The following PCDHA9 variants were observed in gnomAD, a reference collection of about 807,000 sequenced individuals.
PCDHA9 encodes the protein protocadherin alpha-9.
PCDHA9 carries 62 observed loss-of-function variants against 62.0 expected under a neutral mutation model. The ratio of observed to expected loss-of-function variants is 1.00; its 90% CI spans 0.81 to 1.23. The LOEUF (loss-of-function observed/expected upper bound fraction) is 1.23, where lower values mean the gene tolerates loss of function less well. Among genes scored for constraint, PCDHA9 ranks in the 50% most tolerant of loss-of-function variants. The pLI is 0.00. For missense variants in PCDHA9, 1,205 were observed against 1,249.8 expected (o/e 0.96, Z 0.54); for synonymous variants, 557 against 567.6 (o/e 0.98, Z 0.27).
chr5:140,852,681 T>A, intron 1 of PCDHA9: 1 of 968,122 alleles, frequency 1.0e-6, no homozygotes, highest in Non-Finnish European at 1.2e-6. Context: ...TCACCTTGAA[T>A]ATAGTCTTAT....
At chr5:140,882,072 T>C in intron 1 of PCDHA9, 2 of 861,580 alleles carry the variant, frequency 2.3e-6, no homozygotes, top group South Asian at 1.9e-5. Context: ...TTCATGCGCA[T>C]GGTGTCGCTC....
chr5:140,902,209 T>C (rs1583451921), intron 1 of PCDHA9, among the ~76,000 whole-genome samples: 2 of 150,148 alleles, frequency 1.3e-5, no homozygotes, highest in African/African-American at 4.9e-5. Context: ...CTTTCTTTTT[T>C]TTTTTTTTTT....
At chr5:141,001,985 GAAGTTC>G in intron 3 of PCDHA9, among the ~76,000 whole-genome samples, 1 of 152,312 alleles carries the variant, frequency 6.6e-6, no homozygotes, top group Admixed American at 6.5e-5. Context: ...GGAAAGCCTG[GAAGTTC>G]ACTTGCAAAC....
In PCDHA9 at chr5:141,009,814, A is replaced by C. The variant is rs781835321; in HGVS notation, c.2730A>C (p.Lys910Asn). Residue 910 changes from lysine to asparagine, a missense_variant, in exon 4 of 4, where the codon AAA (lysine) becomes AAC (asparagine). By Grantham distance (94) the Lys-to-Asn change is moderately conservative. Around this residue, in one of 3 missense-constraint regions of PCDHA9, gnomAD observed 887 missense variants for 809.5 expected, o/e 1.10. Coordinates refer to ENST00000532602, the MANE Select transcript of PCDHA9 (RefSeq NM_031857.2). ...RQEPTNSQID[K>N]SDFITFGKKE... ...AGCCTACTAACAGCCAAATTGACAA[A>C]AGTGACTTCATAACCTTCGGCAAAA... The C allele has an allele frequency of 6.2e-7, 1 of 1,614,124 alleles. No individual in the cohort carries two copies. The highest frequency in any genetic ancestry group is 8.5e-7 in the Non-Finnish European group (1 of 1,180,010).
rs185281311 is a variant in PCDHA9 at position 140,896,058 on chromosome 5, G to A, written c.2394+45169G>A. The stretch of plus-strand genomic sequence containing the variant: ...ACTCCTGACCTCAGGTGATCCGCCT[G>A]CCTCGGCCTCCCAACATGCTGGGAT... On this transcript the variant is annotated intron_variant, in intron 1 of 3. Coordinates refer to ENST00000532602, the MANE Select transcript of PCDHA9 (RefSeq NM_031857.2). 4.1e-3 allele frequency among the ~76,000 whole-genome samples: 624 copies of A among 152,238 alleles called. 2 individuals carry two copies. The highest frequency in any genetic ancestry group is 6.8e-3 in the Middle Eastern group (2 of 294).
intron 1 of PCDHA9, among the ~76,000 whole-genome samples, chr5:140,922,795 G>C (rs1393016233): frequency 7.9e-5 from 12 of 152,152 alleles, no homozygotes; most frequent in African/African-American, 2.9e-4. Context: ...TGTAGCTTTG[G>C]AATACAGAAA....
chr5:140,920,972 T>C (rs246075), intron 1 of PCDHA9, among the ~76,000 whole-genome samples: 86,063 of 151,854 alleles, frequency 0.57, 25,081 homozygotes, highest in African/African-American at 0.71. Flanking sequence ...TACTAGAGTA[T>C]AATATTGTAT....
rs150463901 is a variant in PCDHA9, at chr5:140,882,560, C to A, written c.2394+31671C>A. 1.3e-3 allele frequency: 2,163 copies of A among 1,614,168 alleles called. 36 individuals carry two copies. Among genetic ancestry groups the A allele is most frequent in the Admixed American group, 1.6e-3 (95 of 60,010 alleles). ...GATCGACCGCGAGGAGCTGTGTGGG[C>A]GGAGCGCGGAGTGCAGCATCCACCT... On this transcript the variant is annotated intron_variant, in intron 1 of 3. Coordinates refer to ENST00000532602, the MANE Select transcript of PCDHA9 (RefSeq NM_031857.2).
In PCDHA9 at chr5:140,876,565, G is replaced by C. The variant is rs371696514; in HGVS notation, c.2394+25676G>C. 63 of 1,614,064 alleles carry C rather than the reference G, an allele frequency of 3.9e-5. No homozygotes were observed. In the Middle Eastern group the frequency reaches 4.9e-4, roughly 13 times the overall value. On this transcript the variant is annotated intron_variant, in intron 1 of 3. Transcript: ENST00000532602. ...GCTCCCTGTGCAAGAGGATGCTCAG[G>C]TGGGTACCGTCATTGCCCTGATTAG...
Position 140,974,355 on chromosome 5 carries a change from C to T in PCDHA9, c.2395-4594C>T, listed in dbSNP as rs113314336. Among the ~76,000 whole-genome samples the T allele has an allele frequency of 6.8e-3, 1,038 of 152,272 alleles. 15 individuals are homozygous for T. The highest frequency in any genetic ancestry group is 0.024 in the African/African-American group (1,003 of 41,550). ...AGCAGGCTATGCATCCAGAACTAAA[C>T]AGACCTAGCACTTTCTGTTGTACTG... is the stretch of plus-strand genomic sequence containing the variant. On this transcript the variant is annotated intron_variant, in intron 1 of 3. Transcript: ENST00000532602.
chr5:140,959,876 G>A (rs1335764869), intron 1 of PCDHA9, among the ~76,000 whole-genome samples: 1 of 152,134 alleles, frequency 6.6e-6, no homozygotes. Context: ...ATCTGTCAAG[G>A]AATACACGAG....
At chr5:140,891,504 A>G (rs1225432214) in intron 1 of PCDHA9, among the ~76,000 whole-genome samples, 1 of 151,662 alleles carries the variant, frequency 6.6e-6, no homozygotes, top group Non-Finnish European at 1.5e-5. Context: ...CTCAGCTATA[A>G]TGTTCTCCAA....
intron 1 of PCDHA9, among the ~76,000 whole-genome samples, chr5:140,942,409 TAAA>T (rs78736997): frequency 7.0e-6 from 1 of 143,620 alleles, no homozygotes; most frequent in Non-Finnish European, 1.5e-5. Context: ...AGACTCTGTT[TAAA>T]AAAAAAAAAG....
intron 3 of PCDHA9, among the ~76,000 whole-genome samples, chr5:140,994,595 C>CT (rs1554254262): frequency 6.6e-6 from 1 of 151,984 alleles, no homozygotes; most frequent in East Asian, 1.9e-4. Context: ...GTCTCAGCTA[C>CT]TTGGGAGGCT....
rs1181664726 is a variant in PCDHA9 at position 140,982,480 on chromosome 5, T to C, written c.2459T>C (p.Val820Ala). ...GGGTCTGTGTGTTTATTCAGCTCTG[T>C]GCACCTAGAGGAGGCTGGCATTCTA... ...ASLRAGMHSS[V>A]HLEEAGILRA... is the part of the protein sequence containing the mutation. The change falls in exon 3 of 4, where the codon GTG (valine) becomes GCG (alanine). Residue 820 changes from valine (V) to alanine (A), a missense_variant. Coordinates refer to ENST00000532602, the MANE Select transcript of PCDHA9 (RefSeq NM_031857.2). 5.0e-6 allele frequency: 8 copies of C among 1,614,216 alleles called. No individual in the cohort carries two copies. Among genetic ancestry groups the C allele is most frequent in the Non-Finnish European group, 6.8e-6 (8 of 1,180,038 alleles).
intron 1 of PCDHA9, among the ~76,000 whole-genome samples, chr5:140,920,056 C>T (rs2079426580): frequency 6.6e-6 from 1 of 152,144 alleles, no homozygotes; most frequent in African/African-American, 2.4e-5. Flanking sequence ...GCCACCAACA[C>T]CTGGAAAAGG....
chr5:140,930,404 T>C (rs2086793049), intron 1 of PCDHA9: 1 of 152,170 alleles, frequency 6.6e-6, no homozygotes, highest in African/African-American at 2.4e-5. Flanking sequence ...TTTTTTTTTT[T>C]TGAGACAGGG....
chr5:140,868,327 T>C (rs1554161889), intron 1 of PCDHA9: 1 of 152,138 alleles, frequency 6.6e-6, no homozygotes, highest in Non-Finnish European at 1.5e-5. Context: ...CTGCAATGAA[T>C]ATAAAGTCAC....
chr5:140,943,257 C>CAAAAAAAA (rs1238620023), intron 1 of PCDHA9, among the ~76,000 whole-genome samples: 2 of 77,482 alleles, frequency 2.6e-5, no homozygotes, highest in Admixed American at 1.5e-4. Flanking sequence ...GACTCTGTCT[C>CAAAAAAAA]AAAAAAAAAA....
Sources: allele counts gnomAD v4.1 joint callset (sites outside exome capture counted in the v4.1 genomes callset), GRCh38; gene constraint gnomAD v4.1.1; regional missense constraint gnomAD v4.1.1; transcripts MANE v1.5; gene names NCBI Gene and HGNC (gene_info 2026-07-23, HGNC 2026-07-21).